KIAA1328: variants seen among roughly 807,000 people sequenced by gnomAD.
KIAA1328 encodes the protein protein hinderin.
A neutral mutation model predicts 68.1 loss-of-function variants in KIAA1328; 52 were observed. The ratio of observed to expected loss-of-function variants is 0.76; its 90% CI spans 0.61 to 0.96. KIAA1328 has a LOEUF of 0.96. Among genes scored for constraint, KIAA1328 ranks in the 40% least tolerant of loss-of-function variants. The pLI, the probability that KIAA1328 is intolerant of heterozygous loss-of-function variation, is 0.00. For synonymous variants in KIAA1328, 232 were observed against 239.4 expected (o/e 0.97, Z 0.28); for missense variants, 641 against 677.6 (o/e 0.95, Z 0.60).
At position 37,147,601 on chromosome 18, in the gene KIAA1328, G is replaced by A. The variant is rs1481729186; in HGVS notation, c.1233-12599G>A. Among the ~76,000 whole-genome samples, 4 of 152,156 alleles carry A rather than the reference G, an allele frequency of 2.6e-5. No homozygotes were observed. In the East Asian group the frequency reaches 7.7e-4, roughly 29 times the overall value. On this transcript the variant is annotated intron_variant, in intron 7 of 9. Coordinates refer to ENST00000280020, the MANE Select transcript of KIAA1328 (RefSeq NM_020776.3). Reference sequence around the variant, plus strand: ...GGTGTTTTCCAAGCCCCTCTAAATTGGTAGGACTCACTCTCCAAACTCCTT... The same window carrying A: ...GGTGTTTTCCAAGCCCCTCTAAATTAGTAGGACTCACTCTCCAAACTCCTT...
intron 6 of KIAA1328, among the ~76,000 whole-genome samples, chr18:36,966,685 A>T (rs1398835455): frequency 6.6e-6 from 1 of 152,222 alleles, no homozygotes; most frequent in African/African-American, 2.4e-5. Context: ...ATTTCTGTTG[A>T]TTACCAATGA....
chr18:37,141,814 G>C (rs1238275238), intron 7 of KIAA1328, among the ~76,000 whole-genome samples: 6 of 152,172 alleles, frequency 3.9e-5, no homozygotes, highest in African/African-American at 1.4e-4. Flanking sequence ...TGTGGTTTTA[G>C]TGTGCAGTTC....
intron 7 of KIAA1328, among the ~76,000 whole-genome samples, chr18:37,158,075 C>G (rs1463584744): frequency 6.6e-6 from 1 of 151,572 alleles, no homozygotes; most frequent in Non-Finnish European, 1.5e-5. Flanking sequence ...CACTGTCTCC[C>G]AGGCTGGAGT....
rs976291950 is a variant in KIAA1328 at position 37,223,231 on chromosome 18, T to C, written c.*1004T>C. 1.0e-6 allele frequency: 1 copy of C among 985,280 alleles called. No homozygotes were observed. 61.0% of individuals were successfully genotyped at this position (985,280 alleles called of 1,614,324 possible). A position where few individuals can be genotyped will look rare whatever the true frequency, so the allele number is the denominator to read the frequency against. ...TGACCAGGCCTCACAGGTGCTCTGC[T>C]CGTGGCCCCAAAGAACCATCTCTAC... On this transcript the variant is annotated 3_prime_UTR_variant, in exon 10 of 10. Coordinates refer to ENST00000280020, the MANE Select transcript of KIAA1328 (RefSeq NM_020776.3).
chr18:37,163,354 C>T (rs929000568), intron 8 of KIAA1328, among the ~76,000 whole-genome samples: 23 of 152,228 alleles, frequency 1.5e-4, no homozygotes, highest in Admixed American at 3.9e-4. Context: ...TGACTTTGGC[C>T]GCTCCCTTCC....
chr18:36,977,743 A>G (rs2052526131), intron 6 of KIAA1328, among the ~76,000 whole-genome samples: 1 of 152,104 alleles, frequency 6.6e-6, no homozygotes, highest in African/African-American at 2.4e-5. Flanking sequence ...AAGGCTCTGC[A>G]TATAGTCATA....
chr18:37,154,854 C>T (rs1040799781), intron 7 of KIAA1328, among the ~76,000 whole-genome samples: 2 of 151,994 alleles, frequency 1.3e-5, no homozygotes, highest in South Asian at 4.1e-4. Context: ...TATTTATTTC[C>T]CCTCATTTTT....
intron 5 of KIAA1328, among the ~76,000 whole-genome samples, chr18:36,938,898 G>A (rs900263828): frequency 6.6e-6 from 1 of 152,124 alleles, no homozygotes; most frequent in East Asian, 1.9e-4. Context: ...GACCATAAAT[G>A]CGTGGGTTTA....
intron 9 of KIAA1328, among the ~76,000 whole-genome samples, chr18:37,205,315 A>C (rs1419268819): frequency 6.6e-6 from 1 of 152,178 alleles, no homozygotes; most frequent in Non-Finnish European, 1.5e-5. Flanking sequence ...AAGGTGGGAA[A>C]ATGTGAGAAG....
chr18:36,844,856 T>C (rs924814155), intron 4 of KIAA1328, among the ~76,000 whole-genome samples: 5 of 151,804 alleles, frequency 3.3e-5, no homozygotes, highest in Non-Finnish European at 7.4e-5. Context: ...TTGGGGGTCT[T>C]AAAAGGTACT....
intron 3 of KIAA1328, among the ~76,000 whole-genome samples, chr18:36,835,928 G>A (rs964675978): frequency 6.6e-5 from 10 of 152,090 alleles, no homozygotes; most frequent in South Asian, 6.2e-4. Context: ...GTATATGAAT[G>A]TTCTGGAATC....
chr18:36,892,256 T>C (rs2048715042), intron 5 of KIAA1328, among the ~76,000 whole-genome samples: 1 of 151,978 alleles, frequency 6.6e-6, no homozygotes, highest in Non-Finnish European at 1.5e-5. Context: ...AGAGAAAAGG[T>C]CTCTCCTTTT....
chr18:36,860,756 T>C (rs2047540052), intron 4 of KIAA1328, among the ~76,000 whole-genome samples: 2 of 152,116 alleles, frequency 1.3e-5, no homozygotes. Context: ...GGTGAGAGAA[T>C]AGAAAATGAA....
intron 6 of KIAA1328, among the ~76,000 whole-genome samples, chr18:36,996,297 T>G (rs1361459153): frequency 6.6e-6 from 1 of 152,176 alleles, no homozygotes; most frequent in African/African-American, 2.4e-5. Flanking sequence ...TAATTCTCAG[T>G]TTAACCTCAT....
intron 6 of KIAA1328, among the ~76,000 whole-genome samples, chr18:37,017,211 A>T (rs1321229829): frequency 6.6e-6 from 1 of 151,842 alleles, no homozygotes; most frequent in Non-Finnish European, 1.5e-5. Context: ...TGATTTTGTC[A>T]TTTACCCAAA....
At chr18:36,873,322 T>A (rs1458607823) in intron 4 of KIAA1328, among the ~76,000 whole-genome samples, 1 of 152,248 alleles carries the variant, frequency 6.6e-6, no homozygotes, top group African/African-American at 2.4e-5. Flanking sequence ...ATGATAGTGT[T>A]GGTAAACATT....
intron 6 of KIAA1328, among the ~76,000 whole-genome samples, chr18:37,029,706 G>A (rs1252628673): frequency 6.6e-6 from 1 of 152,102 alleles, no homozygotes; most frequent in African/African-American, 2.4e-5. Context: ...TGGTAATTTT[G>A]TCTGGTTTGG....
At chr18:37,197,265 A>C (rs1389920099) in intron 9 of KIAA1328, among the ~76,000 whole-genome samples, 1 of 151,730 alleles carries the variant, frequency 6.6e-6, no homozygotes, top group African/African-American at 2.4e-5. Context: ...TTTTTTAAAA[A>C]CCTACTTTTT....
chr18:37,206,399 T>C, intron 9 of KIAA1328, among the ~76,000 whole-genome samples: 1 of 152,206 alleles, frequency 6.6e-6, no homozygotes, highest in East Asian at 1.9e-4. Context: ...TCTCTATTTA[T>C]AACAATTTCT....
Sources: gnomAD v4.1 joint callset for allele counts (sites outside exome capture counted in the v4.1 genomes callset) on GRCh38, gnomAD v4.1.1 for gene constraint, MANE v1.5 for transcripts, NCBI Gene and HGNC (gene_info 2026-07-23, HGNC 2026-07-21) for gene names.